Variants in TIAM1 observed in about 807,000 individuals in gnomAD.
TIAM1 encodes the protein rho guanine nucleotide exchange factor TIAM1.
TIAM1 carries 65 observed loss-of-function variants against 163.5 expected under a neutral mutation model. That is an observed-to-expected ratio of 0.40 (90% confidence interval 0.33 to 0.49). TIAM1 has a LOEUF of 0.49. Among genes scored for constraint, TIAM1 ranks in the 20% least tolerant of loss-of-function variants. The probability of loss-of-function intolerance (pLI) is 0.77; values close to 1 mark genes in which losing one functional copy is unlikely to be tolerated. For synonymous variants in TIAM1, 833 were observed against 810.1 expected (o/e 1.03, Z -0.48); for missense variants, 1,789 against 2,044.7 (o/e 0.87, Z 2.41).
At chr21:31,304,585 T>C (rs905927074) in intron 2 of TIAM1, among the ~76,000 whole-genome samples, 3 of 152,222 alleles carry the variant, frequency 2.0e-5, no homozygotes, top group Non-Finnish European at 4.4e-5. Flanking sequence ...CTTTTTAAAA[T>C]GTGGTTGTGG....
chr21:31,218,531 T>C (rs1311034039), intron 8 of TIAM1, among the ~76,000 whole-genome samples: 1 of 149,794 alleles, frequency 6.7e-6, no homozygotes, highest in Non-Finnish European at 1.5e-5. Context: ...AACACGCCAC[T>C]GCACTCTAGC....
intron 15 of TIAM1, among the ~76,000 whole-genome samples, chr21:31,172,080 G>A (rs1478961260): frequency 6.6e-6 from 1 of 152,154 alleles, no homozygotes; most frequent in Non-Finnish European, 1.5e-5. Flanking sequence ...CTATTACGTG[G>A]TAGTAGATAA....
intron 25 of TIAM1, among the ~76,000 whole-genome samples, chr21:31,127,695 C>T (rs946649962): frequency 5.9e-5 from 9 of 152,098 alleles, no homozygotes; most frequent in African/African-American, 2.2e-4. Flanking sequence ...GGATTACAAG[C>T]GTGAGCCACC....
chr21:31,489,087 G>A (rs1430783434), intron 1 of TIAM1, among the ~76,000 whole-genome samples: 1 of 151,652 alleles, frequency 6.6e-6, no homozygotes, highest in African/African-American at 2.4e-5. Flanking sequence ...TAATAACTGT[G>A]GGCCGGGTGC....
intron 10 of TIAM1, among the ~76,000 whole-genome samples, chr21:31,210,659 A>AGGG (rs1569032683): frequency 5.4e-5 from 1 of 18,466 alleles, no homozygotes; most frequent in African/African-American, 2.8e-4. Flanking sequence ...GAAAGAAAGA[A>AGGG]AGAAAGAAAA....
intron 2 of TIAM1, among the ~76,000 whole-genome samples, chr21:31,381,163 A>T (rs1023014072): frequency 3.3e-5 from 5 of 152,194 alleles, no homozygotes; most frequent in African/African-American, 7.2e-5. Flanking sequence ...GTGCTGCAAT[A>T]ATAAGAATGC....
intron 1 of TIAM1, among the ~76,000 whole-genome samples, chr21:31,533,456 A>G (rs929445900): frequency 6.6e-6 from 1 of 152,212 alleles, no homozygotes; most frequent in Non-Finnish European, 1.5e-5. Context: ...TAATCAACAC[A>G]AAAAATTATT....
rs539692377 is a variant in TIAM1, at chr21:31,370,003, G to A, written c.-368-30581C>T. Reference sequence around the variant, plus strand: ...AATAATTGGTGTCCTTATAAAGGGGGCCTAAGAGAGACCCCTTTCCCTTCC... The same window carrying A: ...AATAATTGGTGTCCTTATAAAGGGGACCTAAGAGAGACCCCTTTCCCTTCC... On this transcript the variant is annotated intron_variant, in intron 2 of 28. Coordinates refer to the TIAM1 transcript ENST00000286827. Among the ~76,000 whole-genome samples the A allele has an allele frequency of 6.0e-4, 91 of 152,212 alleles. 1 individual carries two copies. The highest frequency in any genetic ancestry group is 1.5e-3 in the African/African-American group (61 of 41,540).
At chr21:31,376,091 A>G (rs1487091970) in intron 2 of TIAM1, among the ~76,000 whole-genome samples, 1 of 152,152 alleles carries the variant, frequency 6.6e-6, no homozygotes, top group Non-Finnish European at 1.5e-5. Flanking sequence ...TGCTATGTAT[A>G]TGCTTAAGGG....
At chr21:31,305,029 A>G (rs1356626890) in intron 2 of TIAM1, among the ~76,000 whole-genome samples, 1 of 152,194 alleles carries the variant, frequency 6.6e-6, no homozygotes, top group African/African-American at 2.4e-5. Flanking sequence ...TCCTGTCTCC[A>G]ATAAATATCT....
intron 15 of TIAM1, among the ~76,000 whole-genome samples, chr21:31,180,011 T>G (rs1381743037): frequency 6.6e-6 from 1 of 151,228 alleles, no homozygotes; most frequent in African/African-American, 2.4e-5. Context: ...GTTCAAGCGA[T>G]TCTTTTGCCT....
intron 1 of TIAM1, among the ~76,000 whole-genome samples, chr21:31,488,443 G>A (rs962463242): frequency 2.0e-5 from 3 of 152,126 alleles, no homozygotes; most frequent in Admixed American, 1.3e-4. Context: ...AAAAAGAAAA[G>A]GAAGAGGAGG....
At chr21:31,285,678 T>C (rs1392068740) in intron 2 of TIAM1, among the ~76,000 whole-genome samples, 4 of 152,126 alleles carry the variant, frequency 2.6e-5, no homozygotes, top group Non-Finnish European at 5.9e-5. Context: ...CTGTCCAACA[T>C]GGTGAAACCC....
At chr21:31,335,705 C>CAAAAAAAA (rs142300088) in intron 2 of TIAM1, among the ~76,000 whole-genome samples, 2,647 of 143,626 alleles carry the variant, frequency 0.018, 94 homozygotes, top group African/African-American at 0.066. Context: ...ACTCTGTCTC[C>CAAAAAAAA]AAAAAAAAAG....
At chr21:31,471,100 T>A (rs2045724181) in intron 1 of TIAM1, among the ~76,000 whole-genome samples, 1 of 152,122 alleles carries the variant, frequency 6.6e-6, no homozygotes, top group African/African-American at 2.4e-5. Flanking sequence ...TCTGAAAACC[T>A]CCGGGCTGCT....
At chr21:31,326,977 T>G (rs2075509493) in intron 2 of TIAM1, among the ~76,000 whole-genome samples, 1 of 152,242 alleles carries the variant, frequency 6.6e-6, no homozygotes, top group African/African-American at 2.4e-5. Context: ...TTTGCATTTT[T>G]GAAAAGCTCA....
At chr21:31,208,589 A>G (rs557366413) in intron 11 of TIAM1, among the ~76,000 whole-genome samples, 7 of 152,358 alleles carry the variant, frequency 4.6e-5, no homozygotes, top group African/African-American at 1.7e-4. Flanking sequence ...CAAAGCACAC[A>G]GAGAGGTGAT....
intron 4 of TIAM1, 114 bp from the exon 5 acceptor site, chr21:31,252,303 A>G: frequency 2.6e-6 from 3 of 1,162,592 alleles, no homozygotes; most frequent in Non-Finnish European, 2.4e-6. Flanking sequence ...CGGGATACGC[A>G]TAAGGCACAG....
intron 8 of TIAM1, among the ~76,000 whole-genome samples, chr21:31,221,565 C>A (rs371456929): frequency 6.6e-6 from 1 of 152,182 alleles, no homozygotes; most frequent in African/African-American, 2.4e-5. Flanking sequence ...AAACGGTAAC[C>A]TTCTCAGGGA....
Sources: allele counts gnomAD v4.1 joint callset (sites outside exome capture counted in the v4.1 genomes callset), GRCh38; gene constraint gnomAD v4.1.1; transcripts MANE v1.5; gene names NCBI Gene and HGNC (gene_info 2026-07-23, HGNC 2026-07-21).